Variants in UBE3D observed in about 807,000 individuals in gnomAD.
The protein encoded by UBE3D is E3 ubiquitin-protein ligase E3D.
A neutral mutation model predicts 49.6 loss-of-function variants in UBE3D; 48 were observed. The observed-to-expected ratio is 0.97, with a 90% CI of 0.77 to 1.23. The LOEUF (loss-of-function observed/expected upper bound fraction) is 1.23. UBE3D is among the 50% of genes most tolerant of loss of function. The pLI, the probability that UBE3D is intolerant of heterozygous loss-of-function variation, is 0.00. For synonymous variants in UBE3D, 189 were observed against 174.2 expected (o/e 1.08, Z -0.67); for missense variants, 452 against 468.4 (o/e 0.96, Z 0.32).
At chr6:82,885,291 C>A in the UBE3D span, among the ~76,000 whole-genome samples, 2 of 152,176 alleles carry the variant, frequency 1.3e-5, no homozygotes, top group Non-Finnish European at 2.9e-5. Flanking sequence ...TTGTGCTCTG[C>A]AACCAGATTG....
At chr6:83,029,553 T>C (rs1220062766) in intron 5 of UBE3D, among the ~76,000 whole-genome samples, 1 of 152,248 alleles carries the variant, frequency 6.6e-6, no homozygotes, top group Non-Finnish European at 1.5e-5. Context: ...GTTTGTCTGC[T>C]CAATTGAATA....
At chr6:82,929,587 G>A (rs1046966621) in intron 9 of UBE3D, among the ~76,000 whole-genome samples, 5 of 151,202 alleles carry the variant, frequency 3.3e-5, no homozygotes, top group African/African-American at 1.2e-4. Context: ...TGGTTGGGGG[G>A]GTGGGGAGTG....
chr6:83,040,065 G>A (rs1307204119), intron 4 of UBE3D, among the ~76,000 whole-genome samples: 6 of 152,126 alleles, frequency 3.9e-5, no homozygotes, highest in Admixed American at 2.6e-4. Context: ...ATGAGTGTAT[G>A]TGTGTTATCA....
chr6:82,974,338 T>C (rs372771089), intron 8 of UBE3D, among the ~76,000 whole-genome samples: 171 of 152,216 alleles, frequency 1.1e-3, no homozygotes, highest in African/African-American at 3.9e-3. Context: ...TACGTATCCA[T>C]AGGGGATTGG....
At chr6:82,942,617 C>T (rs1775096459) in intron 9 of UBE3D, among the ~76,000 whole-genome samples, 2 of 152,252 alleles carry the variant, frequency 1.3e-5, no homozygotes, top group African/African-American at 4.8e-5. Context: ...GGCCAACGTA[C>T]AGCTCAGGTC....
At chr6:82,889,245 G>A (rs965918528), downstream of UBE3D, among the ~76,000 whole-genome samples, 7 of 152,104 alleles carry the variant, frequency 4.6e-5, no homozygotes, top group East Asian at 5.8e-4. Flanking sequence ...TACATTAGGC[G>A]CAAAAACAAA....
intron 9 of UBE3D, among the ~76,000 whole-genome samples, chr6:82,945,722 A>G (rs940812889): frequency 1.3e-5 from 2 of 152,360 alleles, no homozygotes; most frequent in African/African-American, 4.8e-5. Context: ...TTTTAGACAG[A>G]CAATGCAAAA....
In UBE3D at chr6:82,993,319, G is replaced by A. The variant is rs117291407; in HGVS notation, c.1010+25654C>T. 2.0e-5 allele frequency among the ~76,000 whole-genome samples: 3 copies of A among 149,492 alleles called. No homozygotes were observed. The East Asian group carries it at 6.0e-4, about 30-fold the overall frequency. ...CCTCTTGCACGACTGTACCCAAGCT[G>A]TATTTGGCAGACACTGACACCTATC... On this transcript the variant is annotated intron_variant, in intron 8 of 9. Transcript: ENST00000369747.
downstream of UBE3D, among the ~76,000 whole-genome samples, chr6:82,887,389 GT>G (rs752438556): frequency 4.3e-3 from 422 of 98,312 alleles, no homozygotes; most frequent in Middle Eastern, 0.012. Flanking sequence ...GACAGTAACA[GT>G]TTTTTTTTTT....
At chr6:82,967,938 C>G (rs1777069344) in intron 8 of UBE3D, among the ~76,000 whole-genome samples, 1 of 152,178 alleles carries the variant, frequency 6.6e-6, no homozygotes, top group African/African-American at 2.4e-5. Flanking sequence ...AACTCCATAC[C>G]TAGCTTTCAT....
chr6:83,059,104 G>A (rs1352977153), intron 1 of UBE3D, among the ~76,000 whole-genome samples: 2 of 152,086 alleles, frequency 1.3e-5, no homozygotes, highest in Non-Finnish European at 2.9e-5. Context: ...AAAATCAGCA[G>A]GTCGAGGTAG....
intron 9 of UBE3D, among the ~76,000 whole-genome samples, chr6:82,955,834 C>T (rs759259583): frequency 1.1e-4 from 17 of 152,088 alleles, no homozygotes; most frequent in Non-Finnish European, 1.6e-4. Flanking sequence ...TGTTTCCTGG[C>T]CAATTCAATC....
the UBE3D span, among the ~76,000 whole-genome samples, chr6:82,882,479 G>C: frequency 6.6e-6 from 1 of 152,132 alleles, no homozygotes; most frequent in Non-Finnish European, 1.5e-5. Context: ...AGCTAAAAAA[G>C]CTACCAGCCA....
At chr6:82,953,157 C>T (rs1454849896) in intron 9 of UBE3D, among the ~76,000 whole-genome samples, 1 of 152,208 alleles carries the variant, frequency 6.6e-6, no homozygotes, top group Non-Finnish European at 1.5e-5. Context: ...ACGGCAATGA[C>T]GTCAACAGGC....
At chr6:82,927,366 T>A (rs1773834023) in intron 9 of UBE3D, among the ~76,000 whole-genome samples, 1 of 152,028 alleles carries the variant, frequency 6.6e-6, no homozygotes, top group Admixed American at 6.6e-5. Context: ...CATATAAACT[T>A]TAGAATCAGT....
At chr6:83,014,393 G>A (rs2185127) in intron 8 of UBE3D, among the ~76,000 whole-genome samples, 117,541 of 151,492 alleles carry the variant, frequency 0.78, 45,744 homozygotes, top group East Asian at 0.91. Context: ...TATGACCCTT[G>A]CCCTACAGTC....
chr6:83,015,449 A>G lies in UBE3D; in HGVS notation c.1010+3524T>C, dbSNP rs564662690. On this transcript the variant is annotated intron_variant, in intron 8 of 9. Transcript: ENST00000369747. ...TATTAGAACCTTTTGTAACTCCCCA[A>G]ACTGCAACATTAAAAGGAGAGTCCC... Among the ~76,000 whole-genome samples the G allele has an allele frequency of 3.3e-5, 5 of 152,260 alleles. No homozygotes were observed. The South Asian group carries it at 8.3e-4, about 25-fold the overall frequency.
chr6:82,896,550 T>C (rs1203959267), intron 9 of UBE3D, among the ~76,000 whole-genome samples: 1 of 152,190 alleles, frequency 6.6e-6, no homozygotes, highest in African/African-American at 2.4e-5. Context: ...TTGAGTAATC[T>C]CTAAAAACAA....
chr6:82,944,561 C>A (rs2127759637), intron 9 of UBE3D, among the ~76,000 whole-genome samples: 1 of 152,314 alleles, frequency 6.6e-6, no homozygotes, highest in African/African-American at 2.4e-5. Context: ...GTGAGAAACT[C>A]CTTTTGCTTG....
Sources: gnomAD v4.1 joint callset for allele counts (sites outside exome capture counted in the v4.1 genomes callset) on GRCh38, gnomAD v4.1.1 for gene constraint, MANE v1.5 for transcripts, NCBI Gene and HGNC (gene_info 2026-07-23, HGNC 2026-07-21) for gene names.